FSTL4: variants seen among roughly 807,000 people sequenced by gnomAD.
FSTL4 encodes follistatin like 4.
A neutral mutation model predicts 78.2 loss-of-function variants in FSTL4; 28 were observed. The ratio of observed to expected loss-of-function variants is 0.36; its 90% CI spans 0.27 to 0.49. The LOEUF is 0.49. Among genes scored for constraint, FSTL4 ranks in the 20% least tolerant of loss-of-function variants. The pLI is 0.98. For missense variants in FSTL4, 922 were observed against 1,084.9 expected (o/e 0.85, Z 2.11); for synonymous variants, 422 against 440.5 (o/e 0.96, Z 0.53).
intron 4 of FSTL4, among the ~76,000 whole-genome samples, chr5:133,397,333 G>T (rs1003170099): frequency 1.3e-5 from 2 of 152,222 alleles, no homozygotes; most frequent in Admixed American, 1.3e-4. Context: ...TACAAGAAGA[G>T]ATACATCTTT....
chr5:133,593,929 G>A (rs1760689348), intron 2 of FSTL4, among the ~76,000 whole-genome samples: 2 of 150,010 alleles, frequency 1.3e-5, no homozygotes, highest in Non-Finnish European at 3.0e-5. Flanking sequence ...AAGCCTCAAG[G>A]ATAGAATCAC....
chr5:133,394,495 C>T (rs552142865), intron 4 of FSTL4, among the ~76,000 whole-genome samples: 45 of 152,366 alleles, frequency 3.0e-4, no homozygotes, highest in Middle Eastern at 3.4e-3. Context: ...GCTTAGCACC[C>T]GGGCCAGCAG....
intron 3 of FSTL4, among the ~76,000 whole-genome samples, chr5:133,497,788 C>T (rs1013274068): frequency 4.6e-5 from 7 of 152,146 alleles, no homozygotes; most frequent in East Asian, 3.8e-4. Context: ...TAATAGAACA[C>T]GGTTATACAA....
At chr5:133,380,446 G>A (rs529407385) in intron 4 of FSTL4, among the ~76,000 whole-genome samples, 66 of 152,108 alleles carry the variant, frequency 4.3e-4, no homozygotes, top group African/African-American at 1.5e-3. Flanking sequence ...TGATGAATTG[G>A]ACAAATTTGT....
the FSTL4 span, among the ~76,000 whole-genome samples, chr5:133,804,419 T>C: frequency 1.3e-5 from 2 of 152,128 alleles, no homozygotes; most frequent in Admixed American, 1.3e-4. Flanking sequence ...CAAACCCTTA[T>C]AGGATCACAC....
chr5:133,503,843 G>T lies in FSTL4; in HGVS notation c.160+63343C>A, dbSNP rs146164163. Reference sequence around the variant, plus strand: ...CATTCTCACACTGCTATGAAGAACTGCCAGAGACTGGATAAATTATAAAGG... The same window carrying T: ...CATTCTCACACTGCTATGAAGAACTTCCAGAGACTGGATAAATTATAAAGG... On this transcript the variant is annotated intron_variant, in intron 3 of 15. Transcript: ENST00000265342. 3.9e-5 allele frequency among the ~76,000 whole-genome samples: 6 copies of T among 152,298 alleles called. No individual in the cohort carries two copies. In the East Asian group the frequency reaches 1.2e-3, roughly 29 times the overall value.
At chr5:133,821,899 G>T in the FSTL4 span, among the ~76,000 whole-genome samples, 1 of 152,164 alleles carries the variant, frequency 6.6e-6, no homozygotes, top group Non-Finnish European at 1.5e-5. Flanking sequence ...AACACAAAAG[G>T]CAGGAGGATC....
chr5:133,605,177 A>T (rs1760952808), intron 1 of FSTL4, among the ~76,000 whole-genome samples: 1 of 152,226 alleles, frequency 6.6e-6, no homozygotes, highest in Non-Finnish European at 1.5e-5. Flanking sequence ...AACCAGATAC[A>T]ACTCATTATG....
intron 3 of FSTL4, among the ~76,000 whole-genome samples, chr5:133,503,487 A>T (rs972967824): frequency 1.3e-5 from 2 of 151,980 alleles, no homozygotes; most frequent in African/African-American, 4.8e-5. Flanking sequence ...AGTTGTCTTG[A>T]GGGAATTCAG....
chr5:133,259,676 A>C (rs1752471562), intron 6 of FSTL4, among the ~76,000 whole-genome samples: 1 of 151,920 alleles, frequency 6.6e-6, no homozygotes, highest in African/African-American at 2.4e-5. Flanking sequence ...CAAATAACGG[A>C]CTGGTGGGAG....
intron 3 of FSTL4, among the ~76,000 whole-genome samples, chr5:133,520,886 G>A (rs931061470): frequency 2.0e-5 from 3 of 152,132 alleles, no homozygotes; most frequent in Non-Finnish European, 2.9e-5. Flanking sequence ...CTGATGTGGA[G>A]GAAGAAGGTG....
chr5:133,563,904 T>C (rs935226314), intron 3 of FSTL4, among the ~76,000 whole-genome samples: 1 of 152,170 alleles, frequency 6.6e-6, no homozygotes, highest in Admixed American at 6.5e-5. Context: ...AGTCCAACAT[T>C]TTCCAAGTGT....
chr5:133,568,127 CA>C (rs1760068501), intron 2 of FSTL4, among the ~76,000 whole-genome samples: 1 of 152,106 alleles, frequency 6.6e-6, no homozygotes, highest in Non-Finnish European at 1.5e-5. Context: ...TATGAAAATT[CA>C]GGGTAGCTCT....
intron 3 of FSTL4, among the ~76,000 whole-genome samples, chr5:133,513,628 C>T (rs554002983): frequency 2.6e-5 from 4 of 152,278 alleles, no homozygotes; most frequent in African/African-American, 7.2e-5. Flanking sequence ...CATGGACAGA[C>T]GGCAAGGACA....
the FSTL4 span, among the ~76,000 whole-genome samples, chr5:133,835,718 C>G: frequency 3.3e-5 from 5 of 152,110 alleles, no homozygotes; most frequent in Non-Finnish European, 5.9e-5. Context: ...CTAGTGCTAA[C>G]TTCAAATAAA....
the FSTL4 span, among the ~76,000 whole-genome samples, chr5:133,666,742 CT>C: frequency 6.6e-6 from 1 of 152,178 alleles, no homozygotes; most frequent in South Asian, 2.1e-4. Context: ...ACAGTTAAAA[CT>C]TTTTTCTCTC....
At chr5:133,567,245 T>C (rs1478588188) in intron 2 of FSTL4, 26 bp from the exon 3 acceptor site, 13 of 1,572,882 alleles carry the variant, frequency 8.3e-6, no homozygotes, top group Non-Finnish European at 1.1e-5. Flanking sequence ...GACTTTGTGT[T>C]TTCTGAAGAA....
At chr5:133,700,091 C>T in the FSTL4 span, among the ~76,000 whole-genome samples, 2 of 152,256 alleles carry the variant, frequency 1.3e-5, no homozygotes, top group African/African-American at 4.8e-5. Context: ...TCCTCAACCA[C>T]ACATCGAGTA....
intron 6 of FSTL4, among the ~76,000 whole-genome samples, chr5:133,269,184 CAAAAAAA>C (rs869156118): frequency 1.7e-5 from 1 of 58,996 alleles, no homozygotes; most frequent in Non-Finnish European, 4.5e-5. Context: ...GACTCCATCT[CAAAAAAA>C]AAAAAAAAAA....
Sources: allele counts gnomAD v4.1 joint callset (sites outside exome capture counted in the v4.1 genomes callset), GRCh38; gene constraint gnomAD v4.1.1; transcripts MANE v1.5; gene names NCBI Gene and HGNC (gene_info 2026-07-23, HGNC 2026-07-21).